The following ZNF804B variants were observed in gnomAD, a reference collection of about 807,000 sequenced individuals.
ZNF804B encodes the protein zinc finger protein 804B.
ZNF804B carries 80 observed loss-of-function variants against 101.4 expected under a neutral mutation model. That is an observed-to-expected ratio of 0.79 (90% CI 0.66 to 0.95). ZNF804B has a LOEUF of 0.95. Among genes scored for constraint, ZNF804B ranks in the 40% least tolerant of loss-of-function variants. ZNF804B has a pLI of 0.00. For synonymous variants in ZNF804B, 622 were observed against 558.8 expected, an observed-to-expected ratio of 1.11 and a Z score of -1.59; for missense variants, 1,673 against 1,561.9, an observed-to-expected ratio of 1.07 and a Z score of -1.20.
chr7:88,854,414 C>CTTTCTTTCTTTCTTCCTTTCTTT (rs1791502231), intron 1 of ZNF804B, among the ~76,000 whole-genome samples: 9 of 57,074 alleles, frequency 1.6e-4, no homozygotes, highest in African/African-American at 1.3e-4. Context: ...TTTCTTTCTT[C>CTTTCTTTCTTTCTTCCTTTCTTT]CTTTCTTTCT....
chr7:89,228,424 G>C (rs549768522), intron 2 of ZNF804B, among the ~76,000 whole-genome samples: 1 of 152,076 alleles, frequency 6.6e-6, no homozygotes, highest in Non-Finnish European at 1.5e-5. Flanking sequence ...TGATTGGTGT[G>C]TTTACAATCC....
At chr7:88,845,723 A>G (rs1791364086) in intron 1 of ZNF804B, among the ~76,000 whole-genome samples, 1 of 152,104 alleles carries the variant, frequency 6.6e-6, no homozygotes, top group Non-Finnish European at 1.5e-5. Flanking sequence ...CCTCATCTCT[A>G]AAATCTTCCC....
At chr7:88,903,705 A>T (rs761059107) in intron 1 of ZNF804B, among the ~76,000 whole-genome samples, 2 of 152,178 alleles carry the variant, frequency 1.3e-5, no homozygotes, top group Non-Finnish European at 1.5e-5. Flanking sequence ...CCTGATGATT[A>T]GTGACGATGA....
chr7:89,293,275 CA>C (rs1790326031), intron 2 of ZNF804B, among the ~76,000 whole-genome samples: 1 of 151,832 alleles, frequency 6.6e-6, no homozygotes, highest in Non-Finnish European at 1.5e-5. Context: ...GTTCTCACCA[CA>C]AAAAAGATGA....
chr7:88,935,943 T>C (rs1044272509), intron 1 of ZNF804B, among the ~76,000 whole-genome samples: 1 of 151,528 alleles, frequency 6.6e-6, no homozygotes, highest in Admixed American at 6.6e-5. Context: ...CTTCTCTTCA[T>C]TCTTTCATCT....
At chr7:89,330,344 T>C (rs1316469578) in intron 3 of ZNF804B, among the ~76,000 whole-genome samples, 2 of 151,678 alleles carry the variant, frequency 1.3e-5, no homozygotes, top group Admixed American at 1.3e-4. Context: ...TATTGTTTAC[T>C]TGAAATTTGC....
intron 1 of ZNF804B, among the ~76,000 whole-genome samples, chr7:88,896,026 G>C (rs1792278260): frequency 6.6e-6 from 1 of 152,118 alleles, no homozygotes; most frequent in African/African-American, 2.4e-5. Context: ...GTAGAGTAAT[G>C]GACTGGGGGA....
rs1218028791 is a variant in ZNF804B, at chr7:89,273,697, G to T, written c.250-53647G>T. ...CCTTGATGTCTAGCACATATTAAGA[G>T]CTCAAATACTTAATGTTTTATTGAT... On this transcript the variant is annotated intron_variant, in intron 2 of 3. Transcript: ENST00000333190. Among the ~76,000 whole-genome samples, 3 of 152,024 alleles carry T rather than the reference G, an allele frequency of 2.0e-5. No individual in the cohort carries two copies. In the East Asian group the frequency reaches 5.8e-4, roughly 29 times the overall value.
At chr7:89,069,064 A>G (rs73391225) in intron 1 of ZNF804B, among the ~76,000 whole-genome samples, 3,389 of 152,310 alleles carry the variant, frequency 0.022, 157 homozygotes, top group African/African-American at 0.077. Context: ...TATGTCAATA[A>G]AATCAGTTGT....
At chr7:89,171,261 G>A (rs1354732158) in intron 1 of ZNF804B, among the ~76,000 whole-genome samples, 1 of 150,116 alleles carries the variant, frequency 6.7e-6, no homozygotes, top group Non-Finnish European at 1.5e-5. Context: ...GTAACTCAAT[G>A]AAGTAGGCAC....
chr7:89,289,591 G>A (rs1043074397), intron 2 of ZNF804B, among the ~76,000 whole-genome samples: 1 of 152,066 alleles, frequency 6.6e-6, no homozygotes, highest in Non-Finnish European at 1.5e-5. Context: ...TAAGCTCAGT[G>A]CTGCCCTGTC....
chr7:88,946,444 G>A (rs551206350), intron 1 of ZNF804B, among the ~76,000 whole-genome samples: 32 of 152,036 alleles, frequency 2.1e-4, no homozygotes, highest in Non-Finnish European at 3.5e-4. Flanking sequence ...GGATGAAGCC[G>A]ACTTGATTGT....
intron 1 of ZNF804B, among the ~76,000 whole-genome samples, chr7:88,928,951 T>G (rs1214323773): frequency 6.6e-6 from 1 of 152,070 alleles, no homozygotes; most frequent in African/African-American, 2.4e-5. Flanking sequence ...TATATTCAAT[T>G]GAGCCCTTGT....
At position 89,106,428 on chromosome 7, in the gene ZNF804B, T is replaced by C. The variant is rs17166771; in HGVS notation, c.109-111727T>C. 2.3e-3 allele frequency among the ~76,000 whole-genome samples: 344 copies of C among 152,190 alleles called. 7 individuals are homozygous for C. The East Asian group carries it at 0.037, about 17-fold the overall frequency. ...AGTATTATGTGCTAGATCCTCTGTG[T>C]TTTAAACTGGGTGATATAGTAATGA... On this transcript the variant is annotated intron_variant, in intron 1 of 3. Transcript: ENST00000333190.
intron 1 of ZNF804B, among the ~76,000 whole-genome samples, chr7:89,149,651 T>C (rs905378038): frequency 6.6e-6 from 1 of 151,986 alleles, no homozygotes; most frequent in Admixed American, 6.6e-5. Context: ...ACTTAACATA[T>C]AGTGAAAAAG....
intron 1 of ZNF804B, among the ~76,000 whole-genome samples, chr7:88,845,148 T>G (rs1471978118): frequency 6.6e-6 from 1 of 152,232 alleles, no homozygotes; most frequent in Non-Finnish European, 1.5e-5. Context: ...TAGCAATAGC[T>G]CTTGCCTTAG....
At chr7:89,065,305 G>A (rs1208948907) in intron 1 of ZNF804B, among the ~76,000 whole-genome samples, 1 of 152,146 alleles carries the variant, frequency 6.6e-6, no homozygotes, top group Non-Finnish European at 1.5e-5. Context: ...CCAGCATTGA[G>A]CTTTCTTCTT....
At chr7:89,036,001 T>G (rs1466112167) in intron 1 of ZNF804B, among the ~76,000 whole-genome samples, 3 of 128,864 alleles carry the variant, frequency 2.3e-5, no homozygotes, top group Non-Finnish European at 5.0e-5. Context: ...TATTATATGA[T>G]ATATTAATAT....
At chr7:88,892,870 T>C (rs1792233709) in intron 1 of ZNF804B, among the ~76,000 whole-genome samples, 1 of 152,184 alleles carries the variant, frequency 6.6e-6, no homozygotes, top group South Asian at 2.1e-4. Flanking sequence ...TTTTGAATTA[T>C]ATTGGTATTG....
Sources: allele counts gnomAD v4.1 joint callset (sites outside exome capture counted in the v4.1 genomes callset), GRCh38; gene constraint gnomAD v4.1.1; transcripts MANE v1.5; gene names NCBI Gene and HGNC (gene_info 2026-07-23, HGNC 2026-07-21).